Variants in KCNJ1 observed in about 807,000 individuals in gnomAD.
KCNJ1 encodes the protein ATP-sensitive inward rectifier potassium channel 1.
Under a neutral mutation model 21.9 loss-of-function variants are expected in KCNJ1, and 24 were observed. The observed-to-expected ratio is 1.10, with a 90% confidence interval of 0.79 to 1.54. The LOEUF is 1.54. Among genes scored for constraint, KCNJ1 ranks in the 40% most tolerant of loss-of-function variants. KCNJ1 has a pLI of 0.00. For missense variants in KCNJ1, 457 were observed against 455.4 expected (o/e 1.00, Z -0.03); for synonymous variants, 152 against 160.9 (o/e 0.94, Z 0.42).
intron 1 of KCNJ1, among the ~76,000 whole-genome samples, chr11:128,854,043 A>G (rs907871178): frequency 1.9e-5 from 1 of 52,776 alleles, no homozygotes; most frequent in African/African-American, 6.8e-5. Flanking sequence ...CCTCATACCC[A>G]CCCACCCACC....
At chr11:128,848,338 C>T (rs1943420619) in intron 2 of KCNJ1, among the ~76,000 whole-genome samples, 1 of 150,626 alleles carries the variant, frequency 6.6e-6, no homozygotes, top group Non-Finnish European at 1.5e-5. Flanking sequence ...TGTGCACCAC[C>T]ATGCCCAGCT....
At chr11:128,842,508 AGT>A (rs1943300932) in intron 2 of KCNJ1, 1 of 1,607,238 alleles carries the variant, frequency 6.2e-7, no homozygotes, top group Non-Finnish European at 8.5e-7. Context: ...TGTAGGCGAC[AGT>A]CAGTGGACTG....
At chr11:128,859,730 G>A (rs1346308884) in intron 1 of KCNJ1, among the ~76,000 whole-genome samples, 1 of 152,190 alleles carries the variant, frequency 6.6e-6, no homozygotes, top group African/African-American at 2.4e-5. Context: ...TCCCGTCTGC[G>A]TCTCTCAGGG....
intron 1 of KCNJ1, among the ~76,000 whole-genome samples, chr11:128,853,132 T>C (rs899675871): frequency 1.3e-5 from 2 of 152,260 alleles, no homozygotes; most frequent in Non-Finnish European, 2.9e-5. Flanking sequence ...GCTGCACTTT[T>C]CCATACTATA....
intron 2 of KCNJ1, among the ~76,000 whole-genome samples, chr11:128,847,232 T>G (rs1943397848): frequency 1.3e-5 from 2 of 152,200 alleles, no homozygotes; most frequent in Non-Finnish European, 2.9e-5. Flanking sequence ...ACCCTCTCAG[T>G]GAGACGCCCC....
At chr11:128,856,478 C>T (rs955666166) in intron 1 of KCNJ1, among the ~76,000 whole-genome samples, 1 of 152,144 alleles carries the variant, frequency 6.6e-6, no homozygotes, top group Non-Finnish European at 1.5e-5. Context: ...GAGAGAGGAC[C>T]GCAGAAGAGG....
intron 2 of KCNJ1, among the ~76,000 whole-genome samples, chr11:128,847,470 A>C (rs1438652072): frequency 6.6e-6 from 1 of 152,226 alleles, no homozygotes; most frequent in Non-Finnish European, 1.5e-5. Flanking sequence ...CAATTGGTAC[A>C]TATGTTTGTT....
chr11:128,843,705 AC>A (rs1943329545), intron 2 of KCNJ1, among the ~76,000 whole-genome samples: 1 of 152,198 alleles, frequency 6.6e-6, no homozygotes, highest in South Asian at 2.1e-4. Flanking sequence ...CTGGGGATCC[AC>A]CCTTTCTTTG....
intron 1 of KCNJ1, among the ~76,000 whole-genome samples, chr11:128,852,339 C>T (rs1340372802): frequency 6.6e-6 from 1 of 152,212 alleles, no homozygotes; most frequent in Non-Finnish European, 1.5e-5. Flanking sequence ...GCTGCAATAG[C>T]ATCCTGCTTC....
chr11:128,865,545 G>T (rs527621562), intron 1 of KCNJ1, among the ~76,000 whole-genome samples: 1 of 152,256 alleles, frequency 6.6e-6, no homozygotes, highest in East Asian at 1.9e-4. Context: ...GTCATCACTG[G>T]CATCTTAAAT....
At chr11:128,866,968 C>A (rs1943828702) in intron 1 of KCNJ1, among the ~76,000 whole-genome samples, 1 of 152,138 alleles carries the variant, frequency 6.6e-6, no homozygotes. Flanking sequence ...CCAGGGAAGG[C>A]AAGATGCAGC....
intron 2 of KCNJ1, among the ~76,000 whole-genome samples, chr11:128,845,304 C>A (rs1029654044): frequency 6.6e-6 from 1 of 152,146 alleles, no homozygotes; most frequent in Non-Finnish European, 1.5e-5. Context: ...AGGTTTGCTG[C>A]CTTGAAATGA....
intron 1 of KCNJ1, among the ~76,000 whole-genome samples, chr11:128,864,427 T>C (rs1223444724): frequency 2.0e-5 from 3 of 152,184 alleles, no homozygotes; most frequent in Non-Finnish European, 4.4e-5. Context: ...TCTACACTAA[T>C]TTTTTTCTTC....
chr11:128,853,965 CAGG>C (rs1943529286), intron 1 of KCNJ1, among the ~76,000 whole-genome samples: 1 of 152,252 alleles, frequency 6.6e-6, no homozygotes, highest in African/African-American at 2.4e-5. Flanking sequence ...CCAGGGTCTG[CAGG>C]AGAAGCTCTT....
At chr11:128,850,066 G>T in intron 2 of KCNJ1, among the ~76,000 whole-genome samples, 1 of 146,706 alleles carries the variant, frequency 6.8e-6, no homozygotes, top group East Asian at 2.3e-4. Context: ...AGGACACATC[G>T]GAGGGCCCCC....
chr11:128,862,931 C>A (rs545557040), intron 1 of KCNJ1, among the ~76,000 whole-genome samples: 1 of 152,288 alleles, frequency 6.6e-6, no homozygotes, highest in East Asian at 1.9e-4. Flanking sequence ...CTCCAAGGGG[C>A]CACACACTTC....
rs562695344 is a variant in KCNJ1, at chr11:128,841,586, A to G, written c.-21-1322T>C. The stretch of plus-strand genomic sequence containing the variant: ...CTTCAGGGTATTTTTCATTAAATGC[A>G]AATATGTTTTTAAAATAGATTTCAA... On this transcript the variant is annotated intron_variant, in intron 2 of 2. Transcript: ENST00000392666. 2.0e-5 allele frequency among the ~76,000 whole-genome samples: 3 copies of G among 152,298 alleles called. No individual in the cohort carries two copies. The South Asian group carries it at 6.2e-4, about 32-fold the overall frequency.
chr11:128,852,825 G>A (rs1340503858), intron 1 of KCNJ1, among the ~76,000 whole-genome samples: 3 of 152,230 alleles, frequency 2.0e-5, no homozygotes, highest in African/African-American at 7.2e-5. Flanking sequence ...TCTGAAACAA[G>A]GAAGACAAGC....
chr11:128,841,191 C>T (rs1196083184), intron 2 of KCNJ1, among the ~76,000 whole-genome samples: 1 of 152,226 alleles, frequency 6.6e-6, no homozygotes, highest in Non-Finnish European at 1.5e-5. Context: ...ACCATCAACA[C>T]ATCTAACACT....
Sources: allele counts gnomAD v4.1 joint callset (sites outside exome capture counted in the v4.1 genomes callset), GRCh38; gene constraint gnomAD v4.1.1; transcripts MANE v1.5; gene names NCBI Gene and HGNC (gene_info 2026-07-23, HGNC 2026-07-21).